Variants in NBEA observed in about 807,000 individuals in gnomAD.
The protein encoded by NBEA is neurobeachin.
A neutral mutation model predicts 343.4 loss-of-function variants in NBEA; 44 were observed. That is an observed-to-expected ratio of 0.13 (90% CI 0.10 to 0.16). NBEA has a LOEUF of 0.16. Ranked by LOEUF, NBEA falls within the 10% of genes least tolerant of loss-of-function variation. The pLI is 1.00. For synonymous variants in NBEA, 1,175 were observed against 1,238.7 expected (o/e 0.95, Z 1.08); for missense variants, 2,555 against 3,631.3 (o/e 0.70, Z 7.62).
intron 33 of NBEA, among the ~76,000 whole-genome samples, chr13:35,224,398 AC>A (rs1381190280): frequency 6.6e-6 from 1 of 152,104 alleles, no homozygotes; most frequent in Non-Finnish European, 1.5e-5. Context: ...ATTATTTGAT[AC>A]TGTTTAATAG....
chr13:35,345,599 G>C (rs759530721), intron 36 of NBEA, among the ~76,000 whole-genome samples: 1 of 152,022 alleles, frequency 6.6e-6, no homozygotes. Flanking sequence ...CTAGATGTAA[G>C]ACTGAGAAAG....
chr13:35,426,033 A>G (rs2044645374), intron 38 of NBEA, among the ~76,000 whole-genome samples: 1 of 152,106 alleles, frequency 6.6e-6, no homozygotes. Flanking sequence ...TTTTGAGCCT[A>G]TGTGTGTCTC....
intron 38 of NBEA, among the ~76,000 whole-genome samples, chr13:35,429,829 G>GTGTGTGTT (rs1241284040): frequency 6.8e-6 from 1 of 146,938 alleles, no homozygotes; most frequent in African/African-American, 2.6e-5. Context: ...GTGTGTGTGT[G>GTGTGTGTT]TGTGTACACA....
chr13:35,255,734 C>T (rs960753363), intron 34 of NBEA, among the ~76,000 whole-genome samples: 8 of 152,232 alleles, frequency 5.3e-5, no homozygotes, highest in Non-Finnish European at 1.0e-4. Context: ...CTCCCTGAGT[C>T]CTGCAGCTGT....
intron 24 of NBEA, among the ~76,000 whole-genome samples, chr13:35,168,463 G>T (rs899477173): frequency 1.3e-5 from 2 of 151,398 alleles, no homozygotes; most frequent in South Asian, 2.1e-4. Context: ...CAAATATTTT[G>T]TTATTTTATT....
intron 56 of NBEA, among the ~76,000 whole-genome samples, chr13:35,665,779 A>G (rs924947178): frequency 3.3e-5 from 5 of 152,098 alleles, no homozygotes; most frequent in African/African-American, 1.2e-4. Context: ...GGCGCCCGCA[A>G]CCAAGCCTGG....
chr13:35,661,999 C>T (rs925077825), intron 55 of NBEA, among the ~76,000 whole-genome samples: 4 of 152,102 alleles, frequency 2.6e-5, no homozygotes, highest in Non-Finnish European at 4.4e-5. Flanking sequence ...ATCAGTGTCC[C>T]ACAAATGAGG....
intron 14 of NBEA, among the ~76,000 whole-genome samples, chr13:35,117,842 GA>G (rs1446003698): frequency 6.6e-6 from 1 of 151,916 alleles, no homozygotes; most frequent in Non-Finnish European, 1.5e-5. Flanking sequence ...TAAATGTTAA[GA>G]TGAAACCAAA....
chr13:35,456,438 A>G (rs2046583768), intron 40 of NBEA, among the ~76,000 whole-genome samples: 1 of 152,044 alleles, frequency 6.6e-6, no homozygotes, highest in Non-Finnish European at 1.5e-5. Flanking sequence ...CTTTAATTGC[A>G]TTTTTAGTTT....
intron 1 of NBEA, among the ~76,000 whole-genome samples, chr13:35,038,560 G>A (rs2062534742): frequency 6.6e-6 from 1 of 152,056 alleles, no homozygotes; most frequent in African/African-American, 2.4e-5. Flanking sequence ...AGGACCCAAG[G>A]GCTCTTCAGT....
chr13:35,571,930 C>T (rs1483058487), intron 45 of NBEA, among the ~76,000 whole-genome samples: 1 of 151,930 alleles, frequency 6.6e-6, no homozygotes, highest in African/African-American at 2.4e-5. Context: ...CTTAATTGAA[C>T]ATTCGAAGAG....
At chr13:35,132,660 A>G (rs1348220513) in intron 17 of NBEA, among the ~76,000 whole-genome samples, 1 of 152,232 alleles carries the variant, frequency 6.6e-6, no homozygotes, top group Non-Finnish European at 1.5e-5. Context: ...CAAAAACTAT[A>G]TACTATATGC....
rs1482949224 is a variant in NBEA at position 35,555,005 on chromosome 13, T to C, written c.6825T>C (p.Thr2275=). The change falls in exon 44 of 59, where the codon ACT becomes ACC. Residue 2275 remains threonine (T), a synonymous_variant. Coordinates refer to ENST00000379939, the MANE Select transcript of NBEA (RefSeq NM_001385012.1). ...LPQARRISLA[T]PRQLYKSSNM... ...TTGCTAGGAGGATATCATTGGCCAC[T>C]CCTCGACAGCTTTATAAATCTTCCA... 1.9e-6 allele frequency: 3 copies of C among 1,609,548 alleles called. No individual in the cohort carries two copies. The highest frequency in any genetic ancestry group is 2.5e-6 in the Non-Finnish European group (3 of 1,176,832).
At chr13:34,978,860 T>C (rs1007839578) in intron 1 of NBEA, among the ~76,000 whole-genome samples, 3 of 152,248 alleles carry the variant, frequency 2.0e-5, no homozygotes, top group Non-Finnish European at 2.9e-5. Flanking sequence ...TAATCCATTC[T>C]TCTACTCATG....
At chr13:35,623,219 C>T (rs1230148994) in intron 48 of NBEA, among the ~76,000 whole-genome samples, 2 of 152,028 alleles carry the variant, frequency 1.3e-5, no homozygotes, top group African/African-American at 4.8e-5. Context: ...CTAAAAATCC[C>T]GTTTCAAAGT....
chr13:35,319,245 A>C (rs151055353), intron 36 of NBEA, among the ~76,000 whole-genome samples: 3 of 152,282 alleles, frequency 2.0e-5, no homozygotes, highest in Middle Eastern at 3.4e-3. Flanking sequence ...AGTGCTATAA[A>C]TTTCCCTCTA....
At chr13:35,343,786 C>A (rs559323053) in intron 36 of NBEA, among the ~76,000 whole-genome samples, 1 of 152,068 alleles carries the variant, frequency 6.6e-6, no homozygotes, top group Non-Finnish European at 1.5e-5. Flanking sequence ...TCCCATCACC[C>A]CCAGATGGGA....
intron 41 of NBEA, among the ~76,000 whole-genome samples, chr13:35,480,408 AC>A (rs1362759179): frequency 6.6e-6 from 1 of 152,102 alleles, no homozygotes; most frequent in African/African-American, 2.4e-5. Flanking sequence ...AGTAATTGTA[AC>A]CTTTCATCTG....
chr13:35,484,092 G>A (rs1011450899), intron 41 of NBEA, among the ~76,000 whole-genome samples: 2 of 151,822 alleles, frequency 1.3e-5, no homozygotes, highest in African/African-American at 2.4e-5. Flanking sequence ...AAAATAACAC[G>A]GGAAATTCCA....
Sources: gnomAD v4.1 joint callset for allele counts (sites outside exome capture counted in the v4.1 genomes callset) on GRCh38, gnomAD v4.1.1 for gene constraint, MANE v1.5 for transcripts, NCBI Gene and HGNC (gene_info 2026-07-23, HGNC 2026-07-21) for gene names.